The following FBXO32 variants were observed in gnomAD, a reference collection of about 807,000 sequenced individuals.
FBXO32 encodes the protein F-box only protein 32.
Under a neutral mutation model 48.3 loss-of-function variants are expected in FBXO32, and 15 were observed. The ratio of observed to expected loss-of-function variants is 0.31; its 90% CI spans 0.21 to 0.48. The LOEUF (loss-of-function observed/expected upper bound fraction) is 0.48, where lower values mean the gene tolerates loss of function less well. Ranked by LOEUF, FBXO32 falls within the 20% of genes least tolerant of loss-of-function variation. FBXO32 has a pLI of 0.99. For synonymous variants in FBXO32, 154 were observed against 165.9 expected (o/e 0.93, Z 0.55); for missense variants, 309 against 432.7 (o/e 0.71, Z 2.54).
At chr8:123,519,912 T>A (rs112633364) in intron 4 of FBXO32, among the ~76,000 whole-genome samples, 17 of 152,256 alleles carry the variant, frequency 1.1e-4, no homozygotes, top group African/African-American at 3.4e-4. Flanking sequence ...CTCAGCCTTC[T>A]GAGTAGCTGG....
chr8:123,532,292 G>C, intron 3 of FBXO32: 1 of 807,368 alleles, frequency 1.2e-6, no homozygotes. Context: ...AAAATCATAA[G>C]TAATTGCTTA....
intron 1 of FBXO32, among the ~76,000 whole-genome samples, chr8:123,537,237 A>ATTT (rs575156237): frequency 1.4e-5 from 2 of 147,430 alleles, no homozygotes; most frequent in African/African-American, 4.9e-5. Context: ...GGAGCACAGG[A>ATTT]TTTTTTTTTT....
In FBXO32 at chr8:123,506,535, AC is replaced by A; in HGVS notation, c.690del (p.Leu230PhefsTer5). 1.2e-6 allele frequency: 2 copies of A among 1,609,166 alleles called. No homozygotes were observed. Among genetic ancestry groups the A allele is most frequent in the Non-Finnish European group, 1.7e-6 (2 of 1,176,250 alleles). On this transcript the variant is annotated frameshift_variant, in exon 7 of 9. Coordinates refer to ENST00000517956, the MANE Select transcript of FBXO32 (RefSeq NM_058229.4). LOFTEE classifies it high-confidence loss of function. The surrounding 1 kb of genome is among the most constrained non-coding windows in gnomAD (Gnocchi z 4.0). The stretch of plus-strand genomic sequence containing the variant: ...CTCTGCATGATGTTCAGTTGTAGGC[AC>A]AAAGGCAGGTCAGTGAAGGTGAGGC... ...FKGLTFTDLP[L>X]CLQLNIMQRL... is the part of the protein sequence containing the mutation.
At chr8:123,519,677 G>C (rs1202468993) in intron 4 of FBXO32, among the ~76,000 whole-genome samples, 1 of 152,034 alleles carries the variant, frequency 6.6e-6, no homozygotes, top group Non-Finnish European at 1.5e-5. Context: ...CAACTGCTTT[G>C]GGTAAACCAC....
chr8:123,498,125 A>C lies in FBXO32; in HGVS notation c.*5248T>G, dbSNP rs1212513111. 1 of 152,242 alleles carries C rather than the reference A, an allele frequency of 6.6e-6. No homozygotes were observed. Among genetic ancestry groups the C allele is most frequent in the East Asian group, 1.9e-4 (1 of 5,204 alleles). The allele number at this position is 152,242 out of a possible 1,614,324, so 9.4% of individuals were successfully genotyped here. A position where few individuals can be genotyped will look rare whatever the true frequency, so the allele number is the denominator to read the frequency against. On this transcript the variant is annotated 3_prime_UTR_variant, in exon 9 of 9. Coordinates refer to ENST00000517956, the MANE Select transcript of FBXO32 (RefSeq NM_058229.4). ...CCCTCTAATACTTTTCATTTAAAAAAGTACATTAAAGCTTCTAAGCTTAGG... is the reference window on the plus strand; with the variant it reads ...CCCTCTAATACTTTTCATTTAAAAACGTACATTAAAGCTTCTAAGCTTAGG...
At chr8:123,512,707 C>T (rs1279254962) in intron 6 of FBXO32, among the ~76,000 whole-genome samples, 2 of 152,084 alleles carry the variant, frequency 1.3e-5, no homozygotes, top group Admixed American at 6.6e-5. Context: ...CATTTTCCCA[C>T]ATGTAAGTTC....
In FBXO32 at chr8:123,503,380, T is replaced by C. The variant is rs145490714; in HGVS notation, c.1061A>G (p.Lys354Arg). The C allele has an allele frequency of 6.2e-6, 10 of 1,613,960 alleles. No homozygotes were observed. The highest frequency in any genetic ancestry group is 4.0e-5 in the African/African-American group (3 of 74,920). Residue 354 changes from lysine (K) to arginine (R), a missense_variant, in exon 9 of 9, where the codon AAG becomes AGG. Physicochemically the swap from Lys to Arg is conservative, Grantham distance 26. Coordinates refer to ENST00000517956, the MANE Select transcript of FBXO32 (RefSeq NM_058229.4). ...LSPQDFINLF[K>R]F The stretch of plus-strand genomic sequence containing the variant: ...GTTGTCATGTGCTGGGATTCAGAAC[T>C]TGAACAAGTTGATAAAGTCCTGGGG...
At position 123,540,894 on chromosome 8, in the gene FBXO32, C is replaced by T; in HGVS notation, c.116+5G>A. On this transcript the variant is annotated splice_donor_5th_base_variant and intron_variant, in intron 1 of 8. Transcript: ENST00000517956. The surrounding 1 kb of genome is among the most constrained non-coding windows in gnomAD (Gnocchi z 6.4). ...GGGCTGGAAGTTGGTAGCGGGTCCC[C>T]TCACCTGCTGAGGTCGCTCACGAAA... is the stretch of plus-strand genomic sequence containing the variant. 1 of 1,611,920 alleles carries T rather than the reference C, an allele frequency of 6.2e-7. No homozygotes were observed. Among genetic ancestry groups the T allele is most frequent in the Non-Finnish European group, 8.5e-7 (1 of 1,178,560 alleles).
At chr8:123,538,240 A>G (rs1817347091) in intron 1 of FBXO32, among the ~76,000 whole-genome samples, 1 of 152,032 alleles carries the variant, frequency 6.6e-6, no homozygotes, top group African/African-American at 2.4e-5. Context: ...AGCTGAGTCC[A>G]GAATAGGTGT....
chr8:123,534,479 A>C (rs1817272953), intron 2 of FBXO32, among the ~76,000 whole-genome samples: 1 of 152,222 alleles, frequency 6.6e-6, no homozygotes, highest in Non-Finnish European at 1.5e-5. Context: ...GCCCTCAACT[A>C]GCAACTGACT....
chr8:123,529,396 T>C (rs1295779492), intron 4 of FBXO32, among the ~76,000 whole-genome samples: 1 of 152,230 alleles, frequency 6.6e-6, no homozygotes, highest in African/African-American at 2.4e-5. Context: ...TGGGTAACAG[T>C]AAACATTAGC....
chr8:123,510,333 C>T (rs768238492), intron 6 of FBXO32, among the ~76,000 whole-genome samples: 13 of 152,134 alleles, frequency 8.5e-5, no homozygotes, highest in East Asian at 7.7e-4. Flanking sequence ...CAGTTGGGGC[C>T]GGGCGCGGTG....
chr8:123,506,288 G>C lies in FBXO32; in HGVS notation c.834+104C>G. On this transcript the variant is annotated intron_variant, in intron 7 of 8. Transcript: ENST00000517956. This position sits in a 1 kb window ranked among gnomAD's most constrained non-coding sequence, Gnocchi z 4.0. ...TTTTTCAGTCAAACCAGGGAACCTG[G>C]AATAGGGGGAACCCAGACCTCAGGC... 9 of 1,270,502 alleles carry C rather than the reference G, an allele frequency of 7.1e-6. No homozygotes were observed. Among genetic ancestry groups the C allele is most frequent in the Non-Finnish European group, 1.0e-5 (9 of 903,320 alleles). The allele number at this position is 1,270,502 out of a possible 1,614,324, so 78.7% of individuals were successfully genotyped here.
In FBXO32 at chr8:123,513,474, T is replaced by C. The variant is rs533921831; in HGVS notation, c.467-92A>G. ...CTTGTCTCTGTCTGTATTCCACTCA[T>C]GTTACCCAGGCACTGCCTCTGGGGA... On this transcript the variant is annotated intron_variant, in intron 5 of 8. Transcript: ENST00000517956. This position sits in a 1 kb window ranked among gnomAD's most constrained non-coding sequence, Gnocchi z 4.3. 2.7e-6 allele frequency: 3 copies of C among 1,115,488 alleles called. No individual in the cohort carries two copies. The highest frequency in any genetic ancestry group is 3.9e-6 in the Non-Finnish European group (3 of 777,780). 69.1% of individuals were successfully genotyped at this position (1,115,488 alleles called of 1,614,324 possible). A position where few individuals can be genotyped will look rare whatever the true frequency, so the allele number is the denominator to read the frequency against.
Position 123,531,954 on chromosome 8 carries a change from T to G in FBXO32, c.316A>C (p.Arg106=). 2 of 1,614,184 alleles carry G rather than the reference T, an allele frequency of 1.2e-6. No homozygotes were observed. Among genetic ancestry groups the G allele is most frequent in the East Asian group, 2.2e-5 (1 of 44,882 alleles). The change falls in exon 4 of 9, where the codon AGA becomes CGA. Residue 106 remains arginine, a synonymous_variant. Transcript: ENST00000517956. ...GYCTLGEAFN[R]LDFSTAILDS... is the part of the protein sequence containing the mutation. ...AGAATGGCAGTTGAGAAGTCCAGTC[T>G]GTTGAAAGCTTCCCCCAGGGTGCAA...
intron 4 of FBXO32, among the ~76,000 whole-genome samples, chr8:123,519,036 G>C (rs1307048758): frequency 6.6e-6 from 1 of 152,084 alleles, no homozygotes; most frequent in Non-Finnish European, 1.5e-5. Context: ...AGTTACCCAG[G>C]CTGGCCTCGA....
At chr8:123,520,055 T>C (rs866608749) in intron 4 of FBXO32, among the ~76,000 whole-genome samples, 3 of 152,188 alleles carry the variant, frequency 2.0e-5, no homozygotes, top group Non-Finnish European at 4.4e-5. Flanking sequence ...CCCAAAGTGT[T>C]GGGATTACAG....
intron 3 of FBXO32, chr8:123,532,195 G>A (rs534816139): frequency 5.1e-6 from 7 of 1,367,828 alleles, no homozygotes; most frequent in Non-Finnish European, 6.6e-6. Flanking sequence ...AGCTGCCTCA[G>A]TCAGCCCCTC....
At position 123,525,311 on chromosome 8, in the gene FBXO32, G is replaced by T. The variant is rs562498207; in HGVS notation, c.372+6587C>A. On this transcript the variant is annotated intron_variant, in intron 4 of 8. Transcript: ENST00000517956. The surrounding 1 kb of genome is among the most constrained non-coding windows in gnomAD (Gnocchi z 4.3). Reference sequence around the variant, plus strand: ...GCTGCAGAGGGACAAAGAAACTGGGGTTGCAAGCTTTTATTTGTTCTTCTT... The same window carrying T: ...GCTGCAGAGGGACAAAGAAACTGGGTTTGCAAGCTTTTATTTGTTCTTCTT... Among the ~76,000 whole-genome samples, 1 of 152,284 alleles carries T rather than the reference G, an allele frequency of 6.6e-6. No individual in the cohort carries two copies. Among genetic ancestry groups the T allele is most frequent in the South Asian group, 2.1e-4 (1 of 4,824 alleles).
Sources: gnomAD v4.1 joint callset for allele counts (sites outside exome capture counted in the v4.1 genomes callset) on GRCh38, gnomAD v4.1.1 for gene constraint, Gnocchi (gnomAD v3.1) non-coding constraint, MANE v1.5 for transcripts, NCBI Gene and HGNC (gene_info 2026-07-23, HGNC 2026-07-21) for gene names.